The following RAD51B variants were observed in gnomAD, a reference collection of about 807,000 sequenced individuals.
The protein encoded by RAD51B is DNA repair protein RAD51 homolog 2.
A neutral mutation model predicts 42.2 loss-of-function variants in RAD51B; 38 were observed. The observed-to-expected ratio is 0.90, with a 90% CI of 0.70 to 1.18. The LOEUF is 1.18. Ranked by LOEUF, RAD51B falls within the 50% of genes most tolerant of loss-of-function variation. The pLI is 0.00. For synonymous variants in RAD51B, 154 were observed against 145.2 expected, an observed-to-expected ratio of 1.06 and a Z score of -0.43; for missense variants, 373 against 400.7, an observed-to-expected ratio of 0.93 and a Z score of 0.59.
At chr14:67,857,327 A>G (rs1224603880) in intron 4 of RAD51B, among the ~76,000 whole-genome samples, 1 of 152,184 alleles carries the variant, frequency 6.6e-6, no homozygotes, top group Non-Finnish European at 1.5e-5. Flanking sequence ...CTCTAATCCA[A>G]ACTCAACAAA....
At chr14:67,846,770 A>T (rs2041630626) in intron 4 of RAD51B, among the ~76,000 whole-genome samples, 1 of 152,142 alleles carries the variant, frequency 6.6e-6, no homozygotes. Context: ...GACCACCATG[A>T]TCTGTTCAGA....
chr14:68,623,932 TA>T (rs1219715625), intron 10 of RAD51B, among the ~76,000 whole-genome samples: 1 of 152,230 alleles, frequency 6.6e-6, no homozygotes, highest in African/African-American at 2.4e-5. Context: ...GCAGTGAGTA[TA>T]ACCCCTCTGG....
chr14:68,371,056 G>GAAAAAAAAAAAAAAAAAAAAAAAAA (rs869154803), intron 8 of RAD51B, among the ~76,000 whole-genome samples: 1 of 90,634 alleles, frequency 1.1e-5, no homozygotes, highest in Non-Finnish European at 2.1e-5. Flanking sequence ...AAAAAAAAAA[G>GAAAAAAAAAAAAAAAAAAAAAAAAA]AAAAAAAGAA....
At chr14:68,489,211 G>A (rs956278431) in intron 10 of RAD51B, among the ~76,000 whole-genome samples, 2 of 151,684 alleles carry the variant, frequency 1.3e-5, no homozygotes, top group Non-Finnish European at 2.9e-5. Context: ...CTTGTAGTCC[G>A]AATGCACCCT....
chr14:68,307,007 A>AT (rs374291766), intron 8 of RAD51B, among the ~76,000 whole-genome samples: 201 of 86,598 alleles, frequency 2.3e-3, no homozygotes, highest in African/African-American at 5.5e-3. Context: ...GAAAATATTG[A>AT]TTTTTTTTTT....
At chr14:68,061,721 C>A (rs1461644739) in intron 7 of RAD51B, among the ~76,000 whole-genome samples, 1 of 152,068 alleles carries the variant, frequency 6.6e-6, no homozygotes. Context: ...TAGAGAAACA[C>A]TCCTGAGTTT....
intron 7 of RAD51B, among the ~76,000 whole-genome samples, chr14:68,027,737 A>G (rs1412817141): frequency 6.6e-6 from 1 of 151,914 alleles, no homozygotes; most frequent in Non-Finnish European, 1.5e-5. Context: ...CAGCTCTTGG[A>G]TCATTTTACT....
intron 8 of RAD51B, among the ~76,000 whole-genome samples, chr14:68,396,320 A>G (rs1594777016): frequency 6.6e-6 from 1 of 152,100 alleles, no homozygotes; most frequent in Non-Finnish European, 1.5e-5. Context: ...CATCCACATT[A>G]CAGATGAAAA....
intron 10 of RAD51B, among the ~76,000 whole-genome samples, chr14:68,484,305 T>C (rs543497106): frequency 1.4e-4 from 22 of 152,036 alleles, no homozygotes; most frequent in Non-Finnish European, 2.4e-4. Context: ...TCAACCTACC[T>C]GCATGAAACT....
chr14:68,283,751 A>G (rs1005848641), intron 7 of RAD51B, among the ~76,000 whole-genome samples: 1 of 152,170 alleles, frequency 6.6e-6, no homozygotes, highest in Non-Finnish European at 1.5e-5. Context: ...CAGTGGAACC[A>G]TAGCTCTCCA....
chr14:68,181,716 A>G lies in RAD51B; in HGVS notation c.757-110168A>G, dbSNP rs764846026. Among the ~76,000 whole-genome samples the G allele has an allele frequency of 3.9e-5, 6 of 152,184 alleles. No individual in the cohort carries two copies. The East Asian group carries it at 9.6e-4, about 24-fold the overall frequency. On this transcript the variant is annotated intron_variant, in intron 7 of 10. Coordinates refer to ENST00000471583, the MANE Select transcript of RAD51B (RefSeq NM_133510.4). ...CACCAAACAACCATTTTCCATGTCT[A>G]CAGATCCTTTCATCTGAGGGCAAAA...
rs115138276 is a variant in RAD51B at position 68,104,977 on chromosome 14, G to A, written c.757-186907G>A. Among the ~76,000 whole-genome samples the A allele has an allele frequency of 4.0e-3, 608 of 152,140 alleles. 4 individuals carry two copies. Among genetic ancestry groups the A allele is most frequent in the African/African-American group, 0.014 (580 of 41,516 alleles). On this transcript the variant is annotated intron_variant, in intron 7 of 10. Transcript: ENST00000471583. ...TTCTTAAGAATACAGATGTAAATAG[G>A]CTGTTAAGTCTGCCCAGGCAGAACT...
chr14:67,933,198 A>G (rs1471766402), intron 7 of RAD51B, among the ~76,000 whole-genome samples: 1 of 152,212 alleles, frequency 6.6e-6, no homozygotes, highest in African/African-American at 2.4e-5. Flanking sequence ...ACTTTTTGGT[A>G]CACTGCACCA....
At chr14:67,871,515 G>A (rs61987498) in intron 5 of RAD51B, among the ~76,000 whole-genome samples, 102 of 152,292 alleles carry the variant, frequency 6.7e-4, no homozygotes, top group Non-Finnish European at 1.2e-3. Context: ...GGTACAAGGA[G>A]GAACTGGTAC....
chr14:68,016,590 A>C (rs1216526980), intron 7 of RAD51B, among the ~76,000 whole-genome samples: 1 of 152,224 alleles, frequency 6.6e-6, no homozygotes, highest in East Asian at 1.9e-4. Context: ...GTGTTTAACA[A>C]CTGGCTTAGA....
chr14:68,634,759 C>T (rs1892308250), intron 10 of RAD51B, among the ~76,000 whole-genome samples: 1 of 152,166 alleles, frequency 6.6e-6, no homozygotes, highest in African/African-American at 2.4e-5. Flanking sequence ...GACCCCAACT[C>T]CGTAGGCCTG....
chr14:68,591,055 C>T (rs1170582464), intron 10 of RAD51B, among the ~76,000 whole-genome samples: 2 of 152,234 alleles, frequency 1.3e-5, no homozygotes, highest in African/African-American at 4.8e-5. Context: ...ACTAGTGACT[C>T]TTTTCTTCCC....
At chr14:68,447,502 C>T (rs1236073446) in intron 9 of RAD51B, among the ~76,000 whole-genome samples, 1 of 149,696 alleles carries the variant, frequency 6.7e-6, no homozygotes, top group Non-Finnish European at 1.5e-5. Context: ...AAAAAAAAAG[C>T]ATGAAACTTA....
chr14:68,639,769 G>GT (rs375477358), intron 10 of RAD51B, among the ~76,000 whole-genome samples: 58 of 151,748 alleles, frequency 3.8e-4, no homozygotes, highest in South Asian at 1.0e-3. Context: ...GTTTTGTTTT[G>GT]TTTTTTTTGT....
Sources: allele counts gnomAD v4.1 joint callset (sites outside exome capture counted in the v4.1 genomes callset), GRCh38; gene constraint gnomAD v4.1.1; transcripts MANE v1.5; gene names NCBI Gene and HGNC (gene_info 2026-07-23, HGNC 2026-07-21).